Variants in TTC6 observed in about 807,000 individuals in gnomAD.
TTC6 encodes tetratricopeptide repeat domain 6.
TTC6 carries 172 observed loss-of-function variants against 210.4 expected under a neutral mutation model. The ratio of observed to expected loss-of-function variants is 0.82; its 90% CI spans 0.72 to 0.93. The LOEUF is 0.93. Ranked by LOEUF, TTC6 falls within the 40% of genes least tolerant of loss-of-function variation. The pLI is 0.00. For missense variants in TTC6, 2,414 were observed against 2,318.1 expected (o/e 1.04, Z -0.85); for synonymous variants, 804 against 819.6 (o/e 0.98, Z 0.32).
At chr14:37,798,950 A>G (rs2096099236) in intron 20 of TTC6, among the ~76,000 whole-genome samples, 1 of 152,176 alleles carries the variant, frequency 6.6e-6, no homozygotes, top group Non-Finnish European at 1.5e-5. Flanking sequence ...ATCAGAATAT[A>G]TAATCTTTTT....
At chr14:37,788,275 C>G (rs781664116) in intron 15 of TTC6, among the ~76,000 whole-genome samples, 3 of 152,114 alleles carry the variant, frequency 2.0e-5, no homozygotes, top group Non-Finnish European at 4.4e-5. Flanking sequence ...CAGCCTCCAA[C>G]AGAATGAATG....
intron 20 of TTC6, 45 bp downstream of exon 22, chr14:37,796,992 T>C: frequency 6.7e-7 from 1 of 1,493,170 alleles, no homozygotes; most frequent in Non-Finnish European, 9.0e-7. Context: ...ATTAATGAAG[T>C]GTATATATTG....
intron 27 of TTC6, among the ~76,000 whole-genome samples, chr14:37,825,208 A>G (rs1358551991): frequency 1.3e-5 from 2 of 152,142 alleles, no homozygotes; most frequent in African/African-American, 2.4e-5. Flanking sequence ...GGAGCAGATG[A>G]CAGAGATCTT....
At position 37,842,299 on chromosome 14, in the gene TTC6, G is replaced by C. The variant is rs202238413; in HGVS notation, c.*8G>C. ...TATGCCTCAGTTATATGATTACATA[G>C]ACTGTGGTTGCTATAGTAGTTTACA... On this transcript the variant is annotated 3_prime_UTR_variant, in exon 31 of 31. Coordinates refer to ENST00000553443, the Ensembl canonical transcript of TTC6. 3.9e-4 allele frequency: 616 copies of C among 1,589,100 alleles called. 1 individual carries two copies. The highest frequency in any genetic ancestry group is 5.0e-4 in the Non-Finnish European group (586 of 1,171,038).
chr14:37,771,637 C>G (rs2096019219), intron 14 of TTC6, among the ~76,000 whole-genome samples: 1 of 152,110 alleles, frequency 6.6e-6, no homozygotes, highest in African/African-American at 2.4e-5. Context: ...GTTCTCGAGC[C>G]TTGGTTTTCA....
chr14:37,663,323 A>G (rs187638673), intron 1 of TTC6, among the ~76,000 whole-genome samples: 1 of 152,254 alleles, frequency 6.6e-6, no homozygotes, highest in Non-Finnish European at 1.5e-5. Context: ...TTTTCTAGAT[A>G]TACTGAAAAA....
chr14:37,821,458 T>C (rs1362192344), intron 26 of TTC6, among the ~76,000 whole-genome samples: 1 of 152,208 alleles, frequency 6.6e-6, no homozygotes, highest in Non-Finnish European at 1.5e-5. Context: ...TTGTGTTGTC[T>C]GAGTAACTCA....
intron 27 of TTC6, among the ~76,000 whole-genome samples, chr14:37,824,767 T>C (rs1476244361): frequency 2.0e-5 from 3 of 152,018 alleles, no homozygotes; most frequent in Non-Finnish European, 4.4e-5. Flanking sequence ...AATGTTGAGA[T>C]GTGAAAGCAG....
chr14:37,841,503 T>C (rs2096209962), exon 30 of TTC6: 1 of 1,598,250 alleles, frequency 6.3e-7, no homozygotes, highest in Non-Finnish European at 8.5e-7. Context: ...TATGTTCTCA[T>C]GAATCGAGCT....
chr14:37,794,780 C>A (rs557844570), intron 17 of TTC6, among the ~76,000 whole-genome samples: 2 of 151,874 alleles, frequency 1.3e-5, no homozygotes, highest in Admixed American at 1.3e-4. Context: ...TAGATGGAGT[C>A]TCACTATGTT....
chr14:37,818,583 T>C (rs1159337802), intron 26 of TTC6, among the ~76,000 whole-genome samples: 2 of 152,204 alleles, frequency 1.3e-5, no homozygotes, highest in Non-Finnish European at 2.9e-5. Context: ...TTGAATTATT[T>C]AGGAAATTGA....
chr14:37,723,974 G>A (rs1272754564), intron 6 of TTC6, among the ~76,000 whole-genome samples: 3 of 151,904 alleles, frequency 2.0e-5, no homozygotes, highest in Non-Finnish European at 4.4e-5. Flanking sequence ...AATGTATAAT[G>A]TCATGTAGCC....
At chr14:37,826,277 G>A (rs1311222706) in exon 28 of TTC6, 1 of 1,612,702 alleles carries the variant, frequency 6.2e-7, no homozygotes, top group South Asian at 1.1e-5. Context: ...GCCTATGAAG[G>A]AAGAGCTGTG....
intron 5 of TTC6, among the ~76,000 whole-genome samples, chr14:37,702,311 C>G (rs911249479): frequency 9.9e-5 from 15 of 152,244 alleles, no homozygotes; most frequent in African/African-American, 3.6e-4. Flanking sequence ...CATTATCACC[C>G]ACTTAAAGAG....
chr14:37,772,729 G>C (rs550544882), intron 14 of TTC6, among the ~76,000 whole-genome samples: 2 of 152,214 alleles, frequency 1.3e-5, no homozygotes, highest in South Asian at 2.1e-4. Context: ...AGATGAACCC[G>C]GTACCTCAGA....
At chr14:37,751,706 TATTATAA>T (rs1431202800) in intron 13 of TTC6, among the ~76,000 whole-genome samples, 4 of 152,280 alleles carry the variant, frequency 2.6e-5, no homozygotes, top group African/African-American at 7.2e-5. Flanking sequence ...ATTTATTTAC[TATTATAA>T]ATTATGATAT....
At chr14:37,716,298 A>G (rs191159412) in intron 6 of TTC6, among the ~76,000 whole-genome samples, 1 of 152,098 alleles carries the variant, frequency 6.6e-6, no homozygotes, top group Non-Finnish European at 1.5e-5. Flanking sequence ...AACAAAAGAA[A>G]CCAGACAGAG....
At chr14:37,713,813 AT>A (rs2095848323) in intron 5 of TTC6, among the ~76,000 whole-genome samples, 1 of 152,100 alleles carries the variant, frequency 6.6e-6, no homozygotes, top group East Asian at 1.9e-4. Context: ...AACAACTGAA[AT>A]CAGTTGGGTT....
At chr14:37,628,619 C>T (rs922626583) in intron 1 of TTC6, among the ~76,000 whole-genome samples, 1 of 152,160 alleles carries the variant, frequency 6.6e-6, no homozygotes, top group Non-Finnish European at 1.5e-5. Context: ...AATTAGATCC[C>T]AGCTGTCAAT....
Sources: allele counts gnomAD v4.1 joint callset (sites outside exome capture counted in the v4.1 genomes callset), GRCh38; gene constraint gnomAD v4.1.1; transcripts MANE v1.5; gene names NCBI Gene and HGNC (gene_info 2026-07-23, HGNC 2026-07-21).